The following MTUS1 variants were observed in gnomAD, a reference collection of about 807,000 sequenced individuals.
MTUS1 encodes microtubule associated scaffold protein 1.
In MTUS1, 109 loss-of-function variants were observed where a neutral mutation model predicts 120.8. The ratio of observed to expected loss-of-function variants is 0.90; its 90% CI spans 0.77 to 1.06. MTUS1 has a LOEUF of 1.06. Among genes scored for constraint, MTUS1 ranks in the 50% least tolerant of loss-of-function variants. MTUS1 has a pLI of 0.00. For synonymous variants in MTUS1, 737 were observed against 550.5 expected, an observed-to-expected ratio of 1.34 and a Z score of -4.74; for missense variants, 2,210 against 1,486.3, an observed-to-expected ratio of 1.49 and a Z score of -8.01.
intron 6 of MTUS1, among the ~76,000 whole-genome samples, chr8:17,700,506 T>C (rs1585792105): frequency 6.8e-6 from 1 of 147,774 alleles, no homozygotes; most frequent in Non-Finnish European, 1.5e-5. Context: ...AAGCAGAGCC[T>C]GTGTTAGGAT....
chr8:17,751,665 C>G (rs553836686), intron 2 of MTUS1, among the ~76,000 whole-genome samples: 1 of 152,066 alleles, frequency 6.6e-6, no homozygotes, highest in African/African-American at 2.4e-5. Flanking sequence ...CAAGACCATC[C>G]TGGACAATAT....
rs1180830689 is a variant in MTUS1 at position 17,754,224 on chromosome 8, T to C, written c.1584A>G (p.Ser528=). The C allele has an allele frequency of 2.5e-6, 4 of 1,614,018 alleles. No homozygotes were observed. Among genetic ancestry groups the C allele is most frequent in the Non-Finnish European group, 3.4e-6 (4 of 1,180,032 alleles). Residue 528 remains serine (S), a synonymous_variant, in exon 2 of 15, where the codon TCA becomes TCG. Coordinates refer to ENST00000693296, the MANE Select transcript of MTUS1 (RefSeq NM_001363059.2). ...AVLQPKDAAL[S]KVTPRPQQTS... ...TCTGCTGAGGTCTGGGCGTGACCTT[T>C]GATAAAGCAGCATCTTTGGGCTGCA...
chr8:17,705,321 T>C (rs1172887101), intron 6 of MTUS1, among the ~76,000 whole-genome samples: 1 of 152,206 alleles, frequency 6.6e-6, no homozygotes, highest in Non-Finnish European at 1.5e-5. Flanking sequence ...TTGTCCTAAT[T>C]ATTAATCGTT....
At chr8:17,654,471 A>T in intron 10 of MTUS1, 90 bp downstream of exon 10, 1 of 955,986 alleles carries the variant, frequency 1.0e-6, no homozygotes. Flanking sequence ...CATTCGCTGA[A>T]GCAGGAAGTT....
chr8:17,777,426 G>T (rs1055458461), intron 1 of MTUS1, among the ~76,000 whole-genome samples: 3 of 149,980 alleles, frequency 2.0e-5, no homozygotes, highest in African/African-American at 4.9e-5. Flanking sequence ...GTGACAGAGG[G>T]AGACACTGTC....
intron 1 of MTUS1, among the ~76,000 whole-genome samples, chr8:17,788,722 C>A (rs1311908748): frequency 6.6e-6 from 1 of 152,192 alleles, no homozygotes; most frequent in Non-Finnish European, 1.5e-5. Context: ...ATTCTAAATA[C>A]TCCTCCCAGA....
At chr8:17,740,148 C>A (rs1057178735) in intron 3 of MTUS1, among the ~76,000 whole-genome samples, 9 of 151,276 alleles carry the variant, frequency 5.9e-5, no homozygotes, top group Admixed American at 2.6e-4. Context: ...GCGGAGGTTG[C>A]AGTGATCCGA....
In MTUS1 at chr8:17,723,812, G is replaced by C. The variant is rs369762682; in HGVS notation, c.2309C>G (p.Thr770Ser). ...SSSGKPTSLKTAQSSWVNLPR... is the reference protein window; with the variant it reads ...SSSGKPTSLKSAQSSWVNLPR... Reference sequence around the variant, plus strand: ...CAAATTCACCCATGACGACTGTGCAGTTTTCAAGGATGTAGGCTTTCCTTG... The same window carrying C: ...CAAATTCACCCATGACGACTGTGCACTTTTCAAGGATGTAGGCTTTCCTTG... Residue 770 changes from threonine to serine, a missense_variant, in exon 4 of 15, where the codon ACT (threonine) becomes AGT (serine). Thr to Ser is a moderately conservative substitution (Grantham distance 58). Coordinates refer to ENST00000693296, the MANE Select transcript of MTUS1 (RefSeq NM_001363059.2). 5 of 1,593,642 alleles carry C rather than the reference G, an allele frequency of 3.1e-6. No homozygotes were observed. The highest frequency in any genetic ancestry group is 3.4e-6 in the Non-Finnish European group (4 of 1,169,646).
chr8:17,707,422 C>G (rs1011918974), intron 6 of MTUS1, among the ~76,000 whole-genome samples: 1 of 152,132 alleles, frequency 6.6e-6, no homozygotes, highest in Admixed American at 6.6e-5. Context: ...ATGATAATAA[C>G]TAACCATCGA....
In MTUS1 at chr8:17,709,224, G is replaced by A. The variant is rs569358953; in HGVS notation, c.2623+3990C>T. 2.0e-4 allele frequency among the ~76,000 whole-genome samples: 31 copies of A among 152,054 alleles called. No homozygotes were observed. The South Asian group carries it at 6.4e-3, about 32-fold the overall frequency. On this transcript the variant is annotated intron_variant, in intron 6 of 14. Transcript: ENST00000693296. ...GAGGAAACTGAATACACCTGATGGG[G>A]CATCAAGGATATTTGTTATTCATGT...
intron 1 of MTUS1, among the ~76,000 whole-genome samples, chr8:17,767,888 A>T (rs538708514): frequency 6.6e-6 from 1 of 152,222 alleles, no homozygotes; most frequent in South Asian, 2.1e-4. Context: ...AATTGGCTAA[A>T]GGTGGAAGAT....
At chr8:17,650,334 A>G (rs951090893) in intron 12 of MTUS1, among the ~76,000 whole-genome samples, 1 of 152,198 alleles carries the variant, frequency 6.6e-6, no homozygotes. Flanking sequence ...GTTCTCTCCT[A>G]CCAAACAAAC....
At chr8:17,648,341 G>T (rs1185219294) in intron 13 of MTUS1, among the ~76,000 whole-genome samples, 1 of 152,188 alleles carries the variant, frequency 6.6e-6, no homozygotes, top group African/African-American at 2.4e-5. Context: ...TACCTCTGGG[G>T]CATGGCAAGA....
chr8:17,679,348 T>TGCGC (rs71848132), intron 7 of MTUS1, among the ~76,000 whole-genome samples: 1 of 139,816 alleles, frequency 7.2e-6, no homozygotes, highest in African/African-American at 3.0e-5. Context: ...TATGCATGTG[T>TGCGC]GCGCGCGCGT....
chr8:17,722,669 A>C, intron 4 of MTUS1: 1 of 542,076 alleles, frequency 1.8e-6, no homozygotes, highest in Non-Finnish European at 2.4e-6. Context: ...ATGCATTCTC[A>C]ATTCCCTCAC....
chr8:17,744,853 C>A (rs1406179601), intron 2 of MTUS1, among the ~76,000 whole-genome samples: 1 of 152,032 alleles, frequency 6.6e-6, no homozygotes, highest in Non-Finnish European at 1.5e-5. Flanking sequence ...TTTCAACGAA[C>A]TGCCAAGCAG....
At chr8:17,760,619 G>T (rs1009176435) in intron 1 of MTUS1, among the ~76,000 whole-genome samples, 59 of 152,200 alleles carry the variant, frequency 3.9e-4, no homozygotes, top group African/African-American at 1.4e-3. Flanking sequence ...TTAAGAATGG[G>T]TCCTAAGCTT....
At chr8:17,696,454 G>C (rs373268281) in intron 6 of MTUS1, among the ~76,000 whole-genome samples, 1 of 152,032 alleles carries the variant, frequency 6.6e-6, no homozygotes, top group East Asian at 1.9e-4. Flanking sequence ...GACACCTAAC[G>C]CTATTCAGCC....
At position 17,645,060 on chromosome 8, in the gene MTUS1, T is replaced by C. The variant is rs367719568; in HGVS notation, c.*866A>G. The C allele has an allele frequency of 0.013, 32 of 2,470 alleles. No individual in the cohort carries two copies. The highest frequency in any genetic ancestry group is 0.062 in the African/African-American group (29 of 468). The allele number at this position is 2,470 out of a possible 1,614,324, so 0.2% of individuals were successfully genotyped here. On this transcript the variant is annotated 3_prime_UTR_variant, in exon 15 of 15. Transcript: ENST00000693296. ...TTCCCTTTTTCTTTCTTTACACAGT[T>C]AGTTAGTTAGTTTGTTTTTTTATAG...
Sources: allele counts gnomAD v4.1 joint callset (sites outside exome capture counted in the v4.1 genomes callset), GRCh38; gene constraint gnomAD v4.1.1; transcripts MANE v1.5; gene names NCBI Gene and HGNC (gene_info 2026-07-23, HGNC 2026-07-21).